ADAM8: variants seen among roughly 807,000 people sequenced by gnomAD.
ADAM8 encodes the protein disintegrin and metalloproteinase domain-containing protein 8.
ADAM8 carries 104 observed loss-of-function variants against 102.4 expected under a neutral mutation model. The observed-to-expected ratio is 1.02, with a 90% CI of 0.87 to 1.20. The LOEUF (loss-of-function observed/expected upper bound fraction) is 1.20. Ranked by LOEUF, ADAM8 falls within the 50% of genes most tolerant of loss-of-function variation. The pLI is 0.00. For missense variants in ADAM8, 1,132 were observed against 1,159.0 expected, an observed-to-expected ratio of 0.98 and a Z score of 0.34; for synonymous variants, 517 against 485.2, an observed-to-expected ratio of 1.07 and a Z score of -0.86.
rs763056092 is a variant in ADAM8 at position 133,272,502 on chromosome 10, G to T, written c.789C>A (p.Asp263Glu). Reference protein sequence around the residue: ...NSQDRFHVSPDPSVTLENLLT... With the variant: ...NSQDRFHVSPEPSVTLENLLT... ...GGAGGTTCTCCAGTGTGACACTGGG[G>T]TCGGGGCTGACGTGGAACCTGTCCT... The change falls in exon 9 of 23, where the codon GAC (aspartate) becomes GAA (glutamate). Residue 263 changes from aspartate (D) to glutamate (E), a missense_variant. Coordinates refer to ENST00000445355, the MANE Select transcript of ADAM8 (RefSeq NM_001109.5). 3 of 1,612,234 alleles carry T rather than the reference G, an allele frequency of 1.9e-6. No individual in the cohort carries two copies. Among genetic ancestry groups the T allele is most frequent in the African/African-American group, 2.7e-5 (2 of 74,862 alleles).
chr10:133,270,892 A>G lies in ADAM8; in HGVS notation c.1553T>C (p.Phe518Ser). The G allele has an allele frequency of 5.0e-6, 8 of 1,610,818 alleles. No individual in the cohort carries two copies. Among genetic ancestry groups the G allele is most frequent in the Non-Finnish European group, 6.8e-6 (8 of 1,178,468 alleles). Residue 518 changes from phenylalanine to serine, a missense_variant, in exon 14 of 23, where the codon TTC becomes TCC. Physicochemically the swap from Phe to Ser is radical, Grantham distance 155. Transcript: ENST00000445355. ...TGTGCCCACTTCACCTGGCCCCCAG[A>G]AGGCCTGGCACTGCTGGGCCAGTGT... is the stretch of plus-strand genomic sequence containing the variant. Reference protein sequence around the residue: ...CPTLAQQCQAFWGPGGQAAEE... With the variant: ...CPTLAQQCQASWGPGGQAAEE...
intron 1 of ADAM8, 28 bp downstream of exon 1, chr10:133,276,744 C>T (rs1417094306): frequency 1.3e-6 from 2 of 1,532,254 alleles, no homozygotes; most frequent in East Asian, 2.5e-5. Flanking sequence ...CCGCGCTGCG[C>T]CCGGGACGGT....
At position 133,275,579 on chromosome 10, in the gene ADAM8, G is replaced by A. The variant is rs1333068963; in HGVS notation, c.55C>T (p.Pro19Ser). 2 of 1,488,584 alleles carry A rather than the reference G, an allele frequency of 1.3e-6. No individual in the cohort carries two copies. Among genetic ancestry groups the A allele is most frequent in the Admixed American group, 2.7e-5 (1 of 37,666 alleles). 92.2% of individuals were successfully genotyped at this position (1,488,584 alleles called of 1,614,324 possible). The change falls in exon 2 of 23, where the codon CCC (proline) becomes TCC (serine). Residue 19 changes from proline (P) to serine (S), a missense_variant. Transcript: ENST00000445355. Reference sequence around the variant, plus strand: ...TCCATGAGGGCCCAGGGCCGGCTGGGGGCAATCGCTGCAGGAGGGAGGGTC... The same window carrying A: ...TCCATGAGGGCCCAGGGCCGGCTGGAGGCAATCGCTGCAGGAGGGAGGGTC... ...LGAMMLPAIA[P>S]SRPWALMEQY...
At chr10:133,276,214 T>C (rs999780105) in intron 1 of ADAM8, among the ~76,000 whole-genome samples, 4 of 152,124 alleles carry the variant, frequency 2.6e-5, no homozygotes, top group Non-Finnish European at 4.4e-5. Context: ...AGCCAGCCCC[T>C]ATCTGCCCAG....
chr10:133,263,174 T>C lies in ADAM8; in HGVS notation c.2457A>G (p.Gly819=), dbSNP rs781693749. Residue 819 remains glycine (G), a synonymous_variant, in exon 23 of 23, where the codon GGA becomes GGG. Transcript: ENST00000445355. ...KPPIQRKQGA[G]APTAP is the part of the protein sequence containing the mutation. ...TGCCCCCCTAGGGTGCTGTGGGAGC[T>C]CCGGCTCCTTGCTTCCTCTGGATGG... 1.2e-6 allele frequency: 2 copies of C among 1,613,730 alleles called. No individual in the cohort carries two copies. The highest frequency in any genetic ancestry group is 2.7e-5 in the African/African-American group (2 of 74,932).
chr10:133,273,912 C>T, intron 4 of ADAM8, 39 bp downstream of exon 4: 1 of 1,565,628 alleles, frequency 6.4e-7, no homozygotes, highest in Non-Finnish European at 8.6e-7. Context: ...GGCCGCCCAG[C>T]CCCTACCTGC....
At chr10:133,266,447 AG>A (rs1462598003) in intron 21 of ADAM8, among the ~76,000 whole-genome samples, 2 of 152,074 alleles carry the variant, frequency 1.3e-5, no homozygotes, top group Non-Finnish European at 2.9e-5. Context: ...CCCAGAGGGC[AG>A]GGGCTCTCCT....
In ADAM8 at chr10:133,273,299, GC is replaced by G. The variant is rs1283549753; in HGVS notation, c.527del (p.Ser176ThrfsTer55). On this transcript the variant is annotated frameshift_variant, in exon 6 of 23. Transcript: ENST00000445355. LOFTEE classifies it high-confidence loss of function. ...TCGVSDDSLG[S>X]LLGPRTAAVF... ...CGGCTGCCGTCCGGGGTCCCAGGAGGCTGCCCAGGCTGTCGTCGCTGACCCC... is the reference window on the plus strand; with the variant it reads ...CGGCTGCCGTCCGGGGTCCCAGGAGGTGCCCAGGCTGTCGTCGCTGACCCC... The G allele has an allele frequency of 1.9e-6, 3 of 1,593,168 alleles. No homozygotes were observed. The highest frequency in any genetic ancestry group is 1.7e-6 in the Non-Finnish European group (2 of 1,171,410).
chr10:133,269,433 A>G lies in ADAM8; in HGVS notation c.1948+12T>C. 1 of 1,568,982 alleles carries G rather than the reference A, an allele frequency of 6.4e-7. No homozygotes were observed. Among genetic ancestry groups the G allele is most frequent in the Middle Eastern group, 1.7e-4 (1 of 5,944 alleles). On this transcript the variant is annotated intron_variant, in intron 18 of 22. Transcript: ENST00000445355. Reference sequence around the variant, plus strand: ...GACCCCAGCCCCACCTGCGCTGGCCAGGGAGGCCTACCTGCGTGCACCTCA... The same window carrying G: ...GACCCCAGCCCCACCTGCGCTGGCCGGGGAGGCCTACCTGCGTGCACCTCA...
rs540010187 is a variant in ADAM8, at chr10:133,272,762, G to T, written c.705+36C>A. The T allele has an allele frequency of 2.9e-5, 46 of 1,585,640 alleles. No individual in the cohort carries two copies. In the African/African-American group the frequency reaches 5.5e-4, roughly 19 times the overall value. Reference sequence around the variant, plus strand: ...AACACCCCCCCCACCTCCCGCCAGGGGCTCTGGCACCTCTGCAGCCAGGAC... The same window carrying T: ...AACACCCCCCCCACCTCCCGCCAGGTGCTCTGGCACCTCTGCAGCCAGGAC... On this transcript the variant is annotated intron_variant, in intron 8 of 22. Transcript: ENST00000445355.
chr10:133,268,369 C>T (rs547904986), intron 19 of ADAM8, among the ~76,000 whole-genome samples: 27 of 152,262 alleles, frequency 1.8e-4, no homozygotes, highest in African/African-American at 6.3e-4. Flanking sequence ...TGTCCTGCTG[C>T]GTGGGGGTCT....
At position 133,273,425 on chromosome 10, in the gene ADAM8, C is replaced by T. The variant is rs1294087915; in HGVS notation, c.402G>A (p.Gly134=). The change falls in exon 6 of 23, where the codon GGG becomes GGA. Residue 134 remains glycine (G), a synonymous_variant. Coordinates refer to ENST00000445355, the MANE Select transcript of ADAM8 (RefSeq NM_001109.5). ...CAGLRGFFQV[G]SDLHLIEPLD... ...GGGGCTCGATCAGGTGCAGGTCTGACCCCACCTGGAAGAAACCCCTGAGGG... is the reference window on the plus strand; with the variant it reads ...GGGGCTCGATCAGGTGCAGGTCTGATCCCACCTGGAAGAAACCCCTGAGGG... 1 of 1,542,324 alleles carries T rather than the reference C, an allele frequency of 6.5e-7. No individual in the cohort carries two copies. The highest frequency in any genetic ancestry group is 8.8e-7 in the Non-Finnish European group (1 of 1,141,472).
At chr10:133,273,223 C>T (rs1277155720) in intron 6 of ADAM8, 31 bp downstream of exon 6, 2 of 1,592,996 alleles carry the variant, frequency 1.3e-6, no homozygotes, top group East Asian at 4.5e-5. Context: ...ACCGGCAGGG[C>T]CAGCCAAACA....
chr10:133,266,145 G>A (rs138237272), intron 21 of ADAM8, among the ~76,000 whole-genome samples: 31 of 152,234 alleles, frequency 2.0e-4, no homozygotes, highest in Non-Finnish European at 3.4e-4. Context: ...CCCAGGCTGA[G>A]GGACTCTGAA....
At chr10:133,272,079 G>A in intron 10 of ADAM8, 114 bp downstream of exon 10, 1 of 1,512,594 alleles carries the variant, frequency 6.6e-7, no homozygotes, top group African/African-American at 1.4e-5. Context: ...ATAAAATCAG[G>A]CATTAAACCT....
chr10:133,263,283 G>C, intron 22 of ADAM8, 50 bp from the exon 23 acceptor site: 1 of 1,504,324 alleles, frequency 6.6e-7, no homozygotes, highest in Non-Finnish European at 8.9e-7. Flanking sequence ...TGCTATAAAA[G>C]GTATATAAAG....
chr10:133,272,107 C>A, intron 10 of ADAM8, 86 bp downstream of exon 10: 2 of 1,505,156 alleles, frequency 1.3e-6, no homozygotes, highest in Non-Finnish European at 1.8e-6. Context: ...GGGGAGGTGG[C>A]CTGCTCCAGA....
Position 133,268,048 on chromosome 10 carries a change from C to T in ADAM8, c.2134G>A (p.Ala712Thr). 2 of 1,265,580 alleles carry T rather than the reference C, an allele frequency of 1.6e-6. No homozygotes were observed. The highest frequency in any genetic ancestry group is 3.9e-5 in the South Asian group (1 of 25,858). The allele number at this position is 1,265,580 out of a possible 1,614,324, so 78.4% of individuals were successfully genotyped here. A position where few individuals can be genotyped will look rare whatever the true frequency, so the allele number is the denominator to read the frequency against. Residue 712 changes from alanine (A) to threonine (T), a missense_variant, in exon 20 of 23, where the codon GCC becomes ACC. Ala to Thr is a moderately conservative substitution (Grantham distance 58, BLOSUM62 0). Coordinates refer to ENST00000445355, the MANE Select transcript of ADAM8 (RefSeq NM_001109.5). ...GATGGGGCTGGAGCCCCGCCCTTGG[C>T]CGGCACGCGGCTGGCAGCCTGGTGG... is the stretch of plus-strand genomic sequence containing the variant. ...LFHQAASRVPAKGGAPAPSRG... is the reference protein window; with the variant it reads ...LFHQAASRVPTKGGAPAPSRG...
intron 13 of ADAM8, 30 bp from the exon 14 acceptor site, chr10:133,271,100 G>T: frequency 1.9e-6 from 3 of 1,600,480 alleles, no homozygotes; most frequent in Non-Finnish European, 2.6e-6. Context: ...CTCACCATGG[G>T]GACAGGTCCA....
Sources: allele counts gnomAD v4.1 joint callset (sites outside exome capture counted in the v4.1 genomes callset), GRCh38; gene constraint gnomAD v4.1.1; transcripts MANE v1.5; gene names NCBI Gene and HGNC (gene_info 2026-07-23, HGNC 2026-07-21).